The following HPSE2 variants were observed in gnomAD, a reference collection of about 807,000 sequenced individuals.
HPSE2 encodes inactive heparanase-2.
A neutral mutation model predicts 60.5 loss-of-function variants in HPSE2; 38 were observed. The ratio of observed to expected loss-of-function variants is 0.63; its 90% CI spans 0.48 to 0.82. The LOEUF (loss-of-function observed/expected upper bound fraction) is 0.82, where lower values mean the gene tolerates loss of function less well. Among genes scored for constraint, HPSE2 ranks in the 40% least tolerant of loss-of-function variants. HPSE2 has a pLI of 0.00. For missense variants in HPSE2, 713 were observed against 740.4 expected (o/e 0.96, Z 0.43); for synonymous variants, 295 against 293.2 (o/e 1.01, Z -0.06).
chr10:99,240,650 G>A (rs1205961865), upstream of HPSE2, among the ~76,000 whole-genome samples: 1 of 152,028 alleles, frequency 6.6e-6, no homozygotes, highest in Non-Finnish European at 1.5e-5. Context: ...CTGACCTCGC[G>A]ATCTGCCCGC....
At chr10:98,482,583 T>TC in intron 11 of HPSE2, 53 bp downstream of exon 11, 1 of 1,610,616 alleles carries the variant, frequency 6.2e-7, no homozygotes, top group South Asian at 1.1e-5. Context: ...AGCCTCCCCC[T>TC]CCCTCAGCTC....
intron 3 of HPSE2, among the ~76,000 whole-genome samples, chr10:98,963,807 A>G (rs1299188982): frequency 6.6e-6 from 1 of 152,102 alleles, no homozygotes; most frequent in Admixed American, 6.6e-5. Context: ...TCATGGAATC[A>G]TGACTAATGG....
chr10:98,999,618 G>A (rs12413618), intron 3 of HPSE2, among the ~76,000 whole-genome samples: 4 of 152,066 alleles, frequency 2.6e-5, no homozygotes, highest in African/African-American at 9.7e-5. Flanking sequence ...GGGAATTGAA[G>A]GATATTCTGT....
intron 8 of HPSE2, among the ~76,000 whole-genome samples, chr10:98,619,296 G>T: frequency 6.6e-6 from 1 of 152,184 alleles, no homozygotes; most frequent in East Asian, 1.9e-4. Context: ...TTTACTTAGT[G>T]ATCCTGAGGG....
intron 3 of HPSE2, among the ~76,000 whole-genome samples, chr10:99,056,896 A>C (rs1045811124): frequency 2.6e-5 from 4 of 152,320 alleles, no homozygotes; most frequent in African/African-American, 7.2e-5. Flanking sequence ...AATGGAAAAC[A>C]ACCCAGAAAT....
At chr10:99,154,031 G>A (rs1024980544) in intron 2 of HPSE2, among the ~76,000 whole-genome samples, 2 of 152,016 alleles carry the variant, frequency 1.3e-5, no homozygotes, top group Non-Finnish European at 2.9e-5. Flanking sequence ...ATGAAATGAA[G>A]CGAGAAGGGA....
chr10:98,815,338 G>A (rs1056444046), intron 3 of HPSE2, among the ~76,000 whole-genome samples: 9 of 152,146 alleles, frequency 5.9e-5, no homozygotes, highest in African/African-American at 2.2e-4. Flanking sequence ...TATATAACAG[G>A]TAGATCTATG....
At chr10:98,724,150 T>C (rs1020986148) in intron 4 of HPSE2, among the ~76,000 whole-genome samples, 31 of 152,120 alleles carry the variant, frequency 2.0e-4, no homozygotes, top group African/African-American at 7.2e-4. Context: ...GTCCCAGAGA[T>C]TCTGGTATGT....
intron 2 of HPSE2, among the ~76,000 whole-genome samples, chr10:99,208,848 G>A (rs1848855760): frequency 6.6e-6 from 1 of 152,256 alleles, no homozygotes; most frequent in Middle Eastern, 3.4e-3. Flanking sequence ...CAAAAGAGAA[G>A]AGGGGTAGCT....
intron 3 of HPSE2, among the ~76,000 whole-genome samples, chr10:98,833,589 T>C (rs1384846612): frequency 6.6e-6 from 1 of 152,336 alleles, no homozygotes; most frequent in Non-Finnish European, 1.5e-5. Flanking sequence ...CTATAAAGTA[T>C]GTCTTGTTAT....
chr10:99,046,489 G>T (rs1249294412), intron 3 of HPSE2, among the ~76,000 whole-genome samples: 2 of 151,924 alleles, frequency 1.3e-5, no homozygotes, highest in African/African-American at 2.4e-5. Flanking sequence ...GTGCAATCAG[G>T]CAAGAAAAAA....
intron 9 of HPSE2, among the ~76,000 whole-genome samples, chr10:98,569,492 A>G (rs1944438233): frequency 6.6e-6 from 1 of 152,204 alleles, no homozygotes; most frequent in Non-Finnish European, 1.5e-5. Flanking sequence ...ATAGAGTTAT[A>G]CCATATAGCA....
At chr10:98,547,614 A>G (rs1352461976) in intron 9 of HPSE2, among the ~76,000 whole-genome samples, 2 of 128,328 alleles carry the variant, frequency 1.6e-5, no homozygotes, top group African/African-American at 3.0e-5. Context: ...ATGAGAACAC[A>G]TGGACACAGG....
At chr10:99,047,245 G>A (rs1176646682) in intron 3 of HPSE2, among the ~76,000 whole-genome samples, 1 of 152,172 alleles carries the variant, frequency 6.6e-6, no homozygotes, top group East Asian at 1.9e-4. Context: ...TTGATTAATG[G>A]TGCTGGGATA....
In HPSE2 at chr10:98,764,755, G is replaced by C. The variant is rs374413066; in HGVS notation, c.611-20699C>G. Among the ~76,000 whole-genome samples, 3 of 152,152 alleles carry C rather than the reference G, an allele frequency of 2.0e-5. No homozygotes were observed. In the East Asian group the frequency reaches 5.8e-4, roughly 29 times the overall value. ...GCCTGTAATCCTGGCTCCTCTGGAG[G>C]CTGAGGCAGGAGAATCACTTGAACC... On this transcript the variant is annotated intron_variant, in intron 3 of 11. Transcript: ENST00000370552.
At chr10:98,960,213 A>C (rs1955616624) in intron 3 of HPSE2, among the ~76,000 whole-genome samples, 1 of 152,116 alleles carries the variant, frequency 6.6e-6, no homozygotes, top group Non-Finnish European at 1.5e-5. Flanking sequence ...GTTAAGAAGC[A>C]TGTCTCACTG....
chr10:98,897,015 A>G (rs1953510539), intron 3 of HPSE2, among the ~76,000 whole-genome samples: 1 of 152,160 alleles, frequency 6.6e-6, no homozygotes, highest in South Asian at 2.1e-4. Flanking sequence ...TCTGCCAAAC[A>G]TTTAAGGAAG....
chr10:99,211,265 A>G (rs1439041375), intron 2 of HPSE2, among the ~76,000 whole-genome samples: 1 of 152,212 alleles, frequency 6.6e-6, no homozygotes, highest in Non-Finnish European at 1.5e-5. Context: ...CAAAGAATAA[A>G]TATCATTGAA....
At chr10:98,464,071 G>T (rs934449114) in intron 11 of HPSE2, among the ~76,000 whole-genome samples, 1 of 151,892 alleles carries the variant, frequency 6.6e-6, no homozygotes, top group Non-Finnish European at 1.5e-5. Context: ...GAGCCAGACT[G>T]CACCACTGCA....
Sources: gnomAD v4.1 joint callset for allele counts (sites outside exome capture counted in the v4.1 genomes callset) on GRCh38, gnomAD v4.1.1 for gene constraint, MANE v1.5 for transcripts, NCBI Gene and HGNC (gene_info 2026-07-23, HGNC 2026-07-21) for gene names.